Variants in HS3ST2 observed in about 807,000 individuals in gnomAD.
HS3ST2 encodes heparan sulfate glucosamine 3-O-sulfotransferase 2.
Under a neutral mutation model 26.3 loss-of-function variants are expected in HS3ST2, and 17 were observed. The ratio of observed to expected loss-of-function variants is 0.65; its 90% confidence interval spans 0.44 to 0.97. HS3ST2 has a LOEUF of 0.97. Ranked by LOEUF, HS3ST2 falls within the 50% of genes least tolerant of loss-of-function variation. The pLI is 0.00. For synonymous variants in HS3ST2, 237 were observed against 219.2 expected (o/e 1.08, Z -0.72); for missense variants, 402 against 501.2 (o/e 0.80, Z 1.89).
chr16:22,832,848 C>T (rs949518484), intron 1 of HS3ST2, among the ~76,000 whole-genome samples: 1 of 151,864 alleles, frequency 6.6e-6, no homozygotes, highest in African/African-American at 2.4e-5. Flanking sequence ...CTCCTGCCCA[C>T]CAGACAGCCT....
chr16:22,885,548 T>C (rs1051114135), intron 1 of HS3ST2, among the ~76,000 whole-genome samples: 1 of 151,330 alleles, frequency 6.6e-6, no homozygotes, highest in Non-Finnish European at 1.5e-5. Context: ...CTCCGCCTCC[T>C]GGGTTCAAGT....
intron 1 of HS3ST2, among the ~76,000 whole-genome samples, chr16:22,861,136 C>T (rs1168162273): frequency 6.6e-6 from 1 of 152,008 alleles, no homozygotes; most frequent in East Asian, 1.9e-4. Context: ...CTTGGCCTCC[C>T]AAAGCACTGG....
intron 1 of HS3ST2, among the ~76,000 whole-genome samples, chr16:22,858,772 C>G (rs914772880): frequency 6.6e-6 from 1 of 152,032 alleles, no homozygotes; most frequent in African/African-American, 2.4e-5. Context: ...CTTCACTGGG[C>G]TTGTCTGAGA....
chr16:22,855,688 G>GTCTC (rs1354473297), intron 1 of HS3ST2, among the ~76,000 whole-genome samples: 5 of 95,924 alleles, frequency 5.2e-5, no homozygotes, highest in South Asian at 3.3e-4. Context: ...CTGTCTCTCT[G>GTCTC]TCTCTCTGTC....
intron 1 of HS3ST2, among the ~76,000 whole-genome samples, chr16:22,887,571 C>T (rs1168218057): frequency 1.3e-5 from 2 of 152,176 alleles, no homozygotes; most frequent in African/African-American, 4.8e-5. Flanking sequence ...AACACTCAGT[C>T]TATAGCACCC....
At chr16:22,878,294 A>G (rs1320592314) in intron 1 of HS3ST2, among the ~76,000 whole-genome samples, 2 of 152,232 alleles carry the variant, frequency 1.3e-5, no homozygotes, top group Non-Finnish European at 2.9e-5. Flanking sequence ...GGAAATAGAA[A>G]ACATGGATCC....
At chr16:22,880,312 G>C (rs1410585654) in intron 1 of HS3ST2, among the ~76,000 whole-genome samples, 1 of 152,152 alleles carries the variant, frequency 6.6e-6, no homozygotes, top group African/African-American at 2.4e-5. Flanking sequence ...AGCTACATGG[G>C]AGGCTGAAAT....
intron 1 of HS3ST2, among the ~76,000 whole-genome samples, chr16:22,821,569 A>C (rs1275912207): frequency 6.6e-6 from 1 of 152,054 alleles, no homozygotes; most frequent in Non-Finnish European, 1.5e-5. Flanking sequence ...GTAGTGACTC[A>C]GAACTGATAA....
intron 1 of HS3ST2, among the ~76,000 whole-genome samples, chr16:22,856,577 C>A (rs954945490): frequency 1.3e-5 from 2 of 152,186 alleles, no homozygotes; most frequent in Non-Finnish European, 2.9e-5. Flanking sequence ...CACTAAGAAA[C>A]CCAACTCTCC....
At chr16:22,830,739 G>A (rs1417498744) in intron 1 of HS3ST2, among the ~76,000 whole-genome samples, 18 of 152,156 alleles carry the variant, frequency 1.2e-4, no homozygotes, top group Admixed American at 1.2e-3. Flanking sequence ...GGTCATCAAC[G>A]TCCTTTACAA....
chr16:22,851,173 T>C (rs1159507144), intron 1 of HS3ST2, among the ~76,000 whole-genome samples: 5 of 152,216 alleles, frequency 3.3e-5, no homozygotes, highest in Non-Finnish European at 7.3e-5. Context: ...AAGCAAGTCA[T>C]TGAGGCCAGT....
At chr16:22,886,418 C>A (rs1027064278) in intron 1 of HS3ST2, among the ~76,000 whole-genome samples, 3 of 152,136 alleles carry the variant, frequency 2.0e-5, no homozygotes, top group Non-Finnish European at 4.4e-5. Context: ...TGGCCCAAAC[C>A]CCTGGGCTTC....
At chr16:22,832,377 C>T (rs1901184007) in intron 1 of HS3ST2, among the ~76,000 whole-genome samples, 1 of 152,186 alleles carries the variant, frequency 6.6e-6, no homozygotes, top group East Asian at 1.9e-4. Flanking sequence ...GCATCCTACA[C>T]CCCTCAACAG....
chr16:22,897,088 C>T (rs565366886), intron 1 of HS3ST2, among the ~76,000 whole-genome samples: 2 of 152,326 alleles, frequency 1.3e-5, no homozygotes, highest in East Asian at 1.9e-4. Flanking sequence ...GGATTACAGG[C>T]GTGTGCCACC....
At chr16:22,895,667 C>T (rs1285435857) in intron 1 of HS3ST2, among the ~76,000 whole-genome samples, 1 of 151,998 alleles carries the variant, frequency 6.6e-6, no homozygotes, top group African/African-American at 2.4e-5. Flanking sequence ...TAATACAATC[C>T]GTCTTTTATA....
intron 1 of HS3ST2, among the ~76,000 whole-genome samples, chr16:22,839,227 A>G (rs1353905551): frequency 6.6e-6 from 1 of 152,240 alleles, no homozygotes; most frequent in Non-Finnish European, 1.5e-5. Context: ...GAGGGTATGC[A>G]CCAGACGGGA....
intron 1 of HS3ST2, among the ~76,000 whole-genome samples, chr16:22,912,069 A>G (rs930718172): frequency 6.6e-6 from 1 of 152,184 alleles, no homozygotes; most frequent in African/African-American, 2.4e-5. Flanking sequence ...GGCAGCAGTG[A>G]GCCCTGATGG....
intron 1 of HS3ST2, among the ~76,000 whole-genome samples, chr16:22,914,706 C>G (rs1327571842): frequency 8.7e-6 from 1 of 115,342 alleles, no homozygotes; most frequent in Non-Finnish European, 1.6e-5. Context: ...CACTGCATTT[C>G]AGCCTGGGCG....
chr16:22,823,262 A>C (rs997731788), intron 1 of HS3ST2, among the ~76,000 whole-genome samples: 8 of 152,212 alleles, frequency 5.3e-5, no homozygotes, highest in Admixed American at 2.0e-4. Flanking sequence ...TCTTTGCTTA[A>C]AAGAGGATAC....
Sources: allele counts gnomAD v4.1 joint callset (sites outside exome capture counted in the v4.1 genomes callset), GRCh38; gene constraint gnomAD v4.1.1; transcripts MANE v1.5; gene names NCBI Gene and HGNC (gene_info 2026-07-23, HGNC 2026-07-21).